The following ATP8B4 variants were observed in gnomAD, a reference collection of about 807,000 sequenced individuals.
The protein encoded by ATP8B4 is ATPase phospholipid transporting 8B4 (putative), also known as probable phospholipid-transporting ATPase IM.
A neutral mutation model predicts 145.6 loss-of-function variants in ATP8B4; 133 were observed. That is an observed-to-expected ratio of 0.91 (90% CI 0.79 to 1.05). ATP8B4 has a LOEUF of 1.05. ATP8B4 is among the 50% of genes least tolerant of loss of function. The probability of loss-of-function intolerance (pLI) is 0.00; values close to 1 mark genes in which losing one functional copy is unlikely to be tolerated. For missense variants in ATP8B4, 1,458 were observed against 1,425.2 expected (o/e 1.02, Z -0.37); for synonymous variants, 507 against 492.9 (o/e 1.03, Z -0.38).
chr15:50,014,520 A>G (rs1034805620), intron 6 of ATP8B4, among the ~76,000 whole-genome samples: 6 of 152,200 alleles, frequency 3.9e-5, no homozygotes, highest in Admixed American at 2.0e-4. Flanking sequence ...TTTAGTGCTT[A>G]CTGCATTCCA....
intron 14 of ATP8B4, among the ~76,000 whole-genome samples, chr15:49,940,401 G>A (rs1326582953): frequency 1.3e-5 from 2 of 152,282 alleles, no homozygotes; most frequent in African/African-American, 2.4e-5. Flanking sequence ...CTACAGCAGG[G>A]AGGTAGGGAG....
chr15:49,858,327 A>AGATGTTGG lies in ATP8B4; in HGVS notation c.*1866_*1867insCCAACATC, dbSNP rs2031045457. ...GCAAATGTGGTGAAACTAATGACAA[A>AGATGTTGG]TTAGACATTGAAAACCAACATCTGG... On this transcript the variant is annotated 3_prime_UTR_variant, in exon 28 of 28. Coordinates refer to ENST00000284509, the MANE Select transcript of ATP8B4 (RefSeq NM_024837.4). 6.6e-6 allele frequency: 1 copy of AGATGTTGG among 152,252 alleles called. No individual in the cohort carries two copies. The highest frequency in any genetic ancestry group is 1.5e-5 in the Non-Finnish European group (1 of 68,046). 9.4% of individuals were successfully genotyped at this position (152,252 alleles called of 1,614,324 possible). A position where few individuals can be genotyped will look rare whatever the true frequency, so the allele number is the denominator to read the frequency against.
chr15:50,010,838 T>C lies in ATP8B4; in HGVS notation c.435+7A>G, dbSNP rs1303625678. 1.3e-6 allele frequency: 2 copies of C among 1,514,824 alleles called. No individual in the cohort carries two copies. The highest frequency in any genetic ancestry group is 8.9e-7 in the Non-Finnish European group (1 of 1,120,756). The allele number at this position is 1,514,824 out of a possible 1,614,324, so 93.8% of individuals were successfully genotyped here. A position where few individuals can be genotyped will look rare whatever the true frequency, so the allele number is the denominator to read the frequency against. The stretch of plus-strand genomic sequence containing the variant: ...GATAAATTATTCAAACAATATTGAA[T>C]ACTTACAGCAACAAATTGGTTATTT... On this transcript the variant is annotated splice_region_variant and intron_variant, in intron 7 of 27. Transcript: ENST00000284509.
chr15:49,982,784 G>A (rs535266628), intron 10 of ATP8B4, among the ~76,000 whole-genome samples: 5 of 152,166 alleles, frequency 3.3e-5, no homozygotes, highest in South Asian at 4.1e-4. Context: ...AACAGCCTCC[G>A]TTTTCTTATC....
chr15:50,168,189 C>T (rs1815158751), intron 1 of ATP8B4, among the ~76,000 whole-genome samples: 1 of 152,162 alleles, frequency 6.6e-6, no homozygotes, highest in African/African-American at 2.4e-5. Context: ...ATGAAGAGTA[C>T]ATTGTGACTG....
At chr15:50,051,280 T>C (rs985959564) in intron 3 of ATP8B4, among the ~76,000 whole-genome samples, 3 of 152,228 alleles carry the variant, frequency 2.0e-5, no homozygotes, top group Non-Finnish European at 4.4e-5. Context: ...ATCATGACTC[T>C]AAGATTCCTT....
intron 3 of ATP8B4, among the ~76,000 whole-genome samples, chr15:50,050,231 C>T (rs186233678): frequency 2.0e-5 from 3 of 152,320 alleles, no homozygotes; most frequent in Admixed American, 1.3e-4. Context: ...AACACAACTG[C>T]AGATCTAGCT....
At chr15:49,962,325 C>T (rs2044157507) in intron 13 of ATP8B4, among the ~76,000 whole-genome samples, 1 of 152,138 alleles carries the variant, frequency 6.6e-6, no homozygotes, top group African/African-American at 2.4e-5. Context: ...ATGATATTTG[C>T]AAGAGGCAAA....
chr15:49,878,453 G>T (rs2034845033), intron 24 of ATP8B4, among the ~76,000 whole-genome samples: 1 of 152,160 alleles, frequency 6.6e-6, no homozygotes, highest in Admixed American at 6.5e-5. Flanking sequence ...GACGGCTTTG[G>T]CCCAGAAAAT....
intron 2 of ATP8B4, among the ~76,000 whole-genome samples, chr15:50,093,911 A>G (rs1014963448): frequency 2.6e-5 from 4 of 152,218 alleles, no homozygotes; most frequent in African/African-American, 9.6e-5. Context: ...CATAGTAACA[A>G]AAGATTGATC....
At chr15:50,051,887 A>T (rs1033950197) in intron 3 of ATP8B4, among the ~76,000 whole-genome samples, 2 of 152,236 alleles carry the variant, frequency 1.3e-5, no homozygotes, top group Admixed American at 6.5e-5. Flanking sequence ...CCAAACAGAA[A>T]CTATGACAAT....
intron 6 of ATP8B4, among the ~76,000 whole-genome samples, chr15:50,029,255 A>AAAAAAAAAAAAAAAGAAAAACAAC (rs776952913): frequency 7.1e-6 from 1 of 141,164 alleles, no homozygotes. Context: ...AAAAAAAAAA[A>AAAAAAAAAAAAAAAGAAAAACAAC]AACAGAAAAA....
At chr15:49,960,191 T>A (rs2043946503) in intron 14 of ATP8B4, among the ~76,000 whole-genome samples, 1 of 152,234 alleles carries the variant, frequency 6.6e-6, no homozygotes, top group African/African-American at 2.4e-5. Flanking sequence ...CACGCTTGGC[T>A]AATTTTTATG....
At chr15:50,008,882 C>T (rs994294665) in intron 7 of ATP8B4, among the ~76,000 whole-genome samples, 2 of 152,096 alleles carry the variant, frequency 1.3e-5, no homozygotes, top group African/African-American at 2.4e-5. Context: ...TTACTGAATA[C>T]CTGAAGTAAA....
chr15:49,861,606 C>T (rs567388492), intron 27 of ATP8B4, among the ~76,000 whole-genome samples: 38 of 152,262 alleles, frequency 2.5e-4, no homozygotes, highest in Non-Finnish European at 4.3e-4. Context: ...CTCCTTTTCA[C>T]GCTTTATCTG....
At chr15:50,023,781 A>C (rs1179919181) in intron 6 of ATP8B4, among the ~76,000 whole-genome samples, 1 of 28,640 alleles carries the variant, frequency 3.5e-5, no homozygotes, top group African/African-American at 7.5e-4. Context: ...ACCAAAGGCA[A>C]AAAAAAAAAA....
At chr15:49,935,273 C>T (rs913438083) in intron 14 of ATP8B4, among the ~76,000 whole-genome samples, 1 of 152,052 alleles carries the variant, frequency 6.6e-6, no homozygotes, top group African/African-American at 2.4e-5. Flanking sequence ...TACGTATAAT[C>T]TTCCGAACAA....
At chr15:49,883,441 A>G (rs2035738102) in intron 23 of ATP8B4, 1 of 152,334 alleles carries the variant, frequency 6.6e-6, no homozygotes, top group South Asian at 2.1e-4. Flanking sequence ...GGTTTCAATG[A>G]GTTTCTGCAA....
intron 6 of ATP8B4, among the ~76,000 whole-genome samples, chr15:50,026,846 T>C (rs1233011415): frequency 2.0e-5 from 3 of 152,126 alleles, no homozygotes; most frequent in Non-Finnish European, 4.4e-5. Flanking sequence ...GTAGCCTGCA[T>C]ATGAAGATGG....
Sources: allele counts gnomAD v4.1 joint callset (sites outside exome capture counted in the v4.1 genomes callset), GRCh38; gene constraint gnomAD v4.1.1; transcripts MANE v1.5; gene names NCBI Gene and HGNC (gene_info 2026-07-23, HGNC 2026-07-21).